The following BMPR1B variants were observed in gnomAD, a reference collection of about 807,000 sequenced individuals.
BMPR1B encodes the protein bone morphogenetic protein receptor type 1B.
In BMPR1B, 12 loss-of-function variants were observed where a neutral mutation model predicts 59.1. The ratio of observed to expected loss-of-function variants is 0.20; its 90% confidence interval spans 0.13 to 0.33. The LOEUF (loss-of-function observed/expected upper bound fraction) is 0.33. BMPR1B is among the 10% of genes least tolerant of loss of function. The pLI, the probability that BMPR1B is intolerant of heterozygous loss-of-function variation, is 1.00. For missense variants in BMPR1B, 550 were observed against 610.9 expected (o/e 0.90, Z 1.05); for synonymous variants, 237 against 207.3 (o/e 1.14, Z -1.23).
At chr4:95,039,876 G>C (rs1340772454) in intron 3 of BMPR1B, among the ~76,000 whole-genome samples, 1 of 152,080 alleles carries the variant, frequency 6.6e-6, no homozygotes, top group African/African-American at 2.4e-5. Flanking sequence ...GACACCCCTG[G>C]TAGCATGTCA....
chr4:95,056,385 T>A (rs1214705282), intron 3 of BMPR1B, among the ~76,000 whole-genome samples: 1 of 152,192 alleles, frequency 6.6e-6, no homozygotes, highest in African/African-American at 2.4e-5. Flanking sequence ...TGATACTATC[T>A]CTGTTACATT....
intron 8 of BMPR1B, among the ~76,000 whole-genome samples, chr4:95,128,139 G>A (rs190630004): frequency 4.6e-5 from 7 of 152,150 alleles, no homozygotes; most frequent in Admixed American, 4.6e-4. Context: ...TCCCTCCACA[G>A]CCTCCCAAAG....
chr4:94,924,716 C>T (rs919124120), intron 2 of BMPR1B, among the ~76,000 whole-genome samples: 2 of 152,050 alleles, frequency 1.3e-5, no homozygotes, highest in African/African-American at 4.8e-5. Flanking sequence ...GTGTATTTAA[C>T]GTTTCTTGCT....
chr4:95,014,774 A>G (rs1295552646), intron 3 of BMPR1B, among the ~76,000 whole-genome samples: 1 of 152,302 alleles, frequency 6.6e-6, no homozygotes, highest in African/African-American at 2.4e-5. Context: ...TTAATTTACT[A>G]CCAAGGTCCT....
At chr4:94,840,792 TC>T in intron 1 of BMPR1B, among the ~76,000 whole-genome samples, 1 of 148,896 alleles carries the variant, frequency 6.7e-6, no homozygotes, top group Non-Finnish European at 1.5e-5. Flanking sequence ...CCAGCTTTGT[TC>T]CGTTGCTGGT....
intron 2 of BMPR1B, among the ~76,000 whole-genome samples, chr4:94,891,243 A>G (rs1355596932): frequency 1.3e-5 from 2 of 152,106 alleles, no homozygotes; most frequent in Non-Finnish European, 2.9e-5. Context: ...TATTGCTGAA[A>G]TGTACAGAGA....
chr4:95,149,779 C>A (rs1734905346), intron 11 of BMPR1B, among the ~76,000 whole-genome samples: 1 of 152,194 alleles, frequency 6.6e-6, no homozygotes, highest in African/African-American at 2.4e-5. Flanking sequence ...GTGCAGCATG[C>A]ACTTAACTAG....
intron 1 of BMPR1B, among the ~76,000 whole-genome samples, chr4:94,784,376 T>C (rs1313764032): frequency 2.0e-5 from 3 of 152,222 alleles, no homozygotes; most frequent in Admixed American, 1.3e-4. Flanking sequence ...GATAGAACTT[T>C]GTAAAATTAT....
intron 1 of BMPR1B, among the ~76,000 whole-genome samples, chr4:94,813,422 C>G (rs2110642032): frequency 6.6e-6 from 1 of 152,130 alleles, no homozygotes; most frequent in Middle Eastern, 3.4e-3. Flanking sequence ...ACAGCAGGTG[C>G]CAGGACTTAG....
intron 4 of BMPR1B, among the ~76,000 whole-genome samples, chr4:95,105,157 T>C (rs1731111768): frequency 6.6e-6 from 1 of 152,128 alleles, no homozygotes; most frequent in Non-Finnish European, 1.5e-5. Flanking sequence ...TGCCTTTTTC[T>C]TCCTTAAATG....
At chr4:94,875,630 G>A (rs1726695669) in intron 1 of BMPR1B, among the ~76,000 whole-genome samples, 1 of 152,176 alleles carries the variant, frequency 6.6e-6, no homozygotes, top group Admixed American at 6.5e-5. Flanking sequence ...CTTGCAGTGA[G>A]CCAAGATCGC....
chr4:95,031,323 G>A (rs540451525), intron 3 of BMPR1B, among the ~76,000 whole-genome samples: 12 of 152,304 alleles, frequency 7.9e-5, no homozygotes, highest in African/African-American at 2.9e-4. Flanking sequence ...AGAGGAATGT[G>A]ATCGGGAGTG....
At chr4:95,009,135 C>T (rs969936800) in intron 3 of BMPR1B, among the ~76,000 whole-genome samples, 2 of 152,108 alleles carry the variant, frequency 1.3e-5, no homozygotes, top group Non-Finnish European at 2.9e-5. Context: ...CTGAAAATAA[C>T]AAATCTTGGT....
chr4:95,120,626 C>CTTCCTTCCTTCCTTCCTTCT (rs1732416927), intron 6 of BMPR1B, among the ~76,000 whole-genome samples: 1 of 136,104 alleles, frequency 7.3e-6, no homozygotes, highest in Non-Finnish European at 1.5e-5. Context: ...TCCTTCCTTC[C>CTTCCTTCCTTCCTTCCTTCT]TTCCTTCCTT....
chr4:95,122,516 G>GA (rs570452876), intron 6 of BMPR1B, among the ~76,000 whole-genome samples: 2 of 151,906 alleles, frequency 1.3e-5, no homozygotes, highest in African/African-American at 4.8e-5. Flanking sequence ...TCCTGTTGCA[G>GA]AAAAAAATAT....
chr4:94,862,932 G>A (rs959203889), intron 1 of BMPR1B, among the ~76,000 whole-genome samples: 17 of 133,012 alleles, frequency 1.3e-4, no homozygotes, highest in African/African-American at 4.9e-4. Context: ...GGGACAGAGC[G>A]AGACTCCGTC....
At chr4:94,890,496 T>C (rs1727347860) in intron 2 of BMPR1B, among the ~76,000 whole-genome samples, 1 of 152,128 alleles carries the variant, frequency 6.6e-6, no homozygotes, top group East Asian at 1.9e-4. Context: ...ATGAGTGTAA[T>C]TATGACCTAG....
At chr4:94,929,055 G>A (rs1456786300) in intron 2 of BMPR1B, among the ~76,000 whole-genome samples, 1 of 152,044 alleles carries the variant, frequency 6.6e-6, no homozygotes, top group Non-Finnish European at 1.5e-5. Flanking sequence ...CAAAGGCAAT[G>A]CCTCCCAACA....
intron 1 of BMPR1B, among the ~76,000 whole-genome samples, chr4:94,772,289 T>A (rs1324457368): frequency 6.6e-6 from 1 of 151,990 alleles, no homozygotes; most frequent in Non-Finnish European, 1.5e-5. Flanking sequence ...TTCAGCATGT[T>A]GTTGTTAATT....
Sources: gnomAD v4.1 joint callset for allele counts (sites outside exome capture counted in the v4.1 genomes callset) on GRCh38, gnomAD v4.1.1 for gene constraint, MANE v1.5 for transcripts, NCBI Gene and HGNC (gene_info 2026-07-23, HGNC 2026-07-21) for gene names.